KIAA1958: variants seen among roughly 807,000 people sequenced by gnomAD.
KIAA1958 encodes the protein uncharacterized protein KIAA1958.
Under a neutral mutation model 47.2 loss-of-function variants are expected in KIAA1958, and 14 were observed. The observed-to-expected ratio is 0.30, with a 90% CI of 0.20 to 0.46. The LOEUF is 0.46. KIAA1958 is among the 20% of genes least tolerant of loss of function. The pLI is 1.00. For synonymous variants in KIAA1958, 354 were observed against 353.3 expected (o/e 1.00, Z -0.02); for missense variants, 803 against 909.2 (o/e 0.88, Z 1.50).
intron 1 of KIAA1958, among the ~76,000 whole-genome samples, chr9:112,548,471 C>T (rs545953120): frequency 3.0e-4 from 46 of 152,324 alleles, no homozygotes; most frequent in African/African-American, 1.1e-3. Flanking sequence ...TCTCCTGGGG[C>T]TGTGTCATGT....
intron 1 of KIAA1958, 51 bp from the exon 2 acceptor site, chr9:112,574,005 AT>A (rs1185661424): frequency 1.1e-6 from 1 of 944,442 alleles, no homozygotes; most frequent in East Asian, 2.4e-5. Context: ...TAATTGAGCT[AT>A]AGGATTATCT....
chr9:112,547,664 C>G (rs1257556743), intron 1 of KIAA1958, among the ~76,000 whole-genome samples: 1 of 152,102 alleles, frequency 6.6e-6, no homozygotes, highest in Non-Finnish European at 1.5e-5. Context: ...GTATTTTACC[C>G]CAAAATATAT....
intron 3 of KIAA1958, among the ~76,000 whole-genome samples, chr9:112,651,528 G>A (rs894493000): frequency 3.3e-5 from 5 of 151,604 alleles, no homozygotes; most frequent in African/African-American, 1.2e-4. Context: ...CCAAGTAGCT[G>A]GGATTACAGG....
intron 2 of KIAA1958, among the ~76,000 whole-genome samples, chr9:112,625,909 C>A (rs984069923): frequency 6.6e-6 from 1 of 152,170 alleles, no homozygotes; most frequent in Non-Finnish European, 1.5e-5. Context: ...TCAAGAATAT[C>A]AATTCTAGTT....
chr9:112,536,534 A>G (rs1339910394), intron 1 of KIAA1958, among the ~76,000 whole-genome samples: 1 of 152,210 alleles, frequency 6.6e-6, no homozygotes, highest in African/African-American at 2.4e-5. Context: ...TAAATAGACC[A>G]ATAGTACAGA....
At chr9:112,572,194 G>A (rs746380511) in intron 1 of KIAA1958, among the ~76,000 whole-genome samples, 22 of 152,060 alleles carry the variant, frequency 1.4e-4, no homozygotes, top group Middle Eastern at 3.4e-3. Flanking sequence ...TACACTATCC[G>A]GGAGAAAACT....
At chr9:112,604,203 CAA>C (rs531493841) in intron 2 of KIAA1958, among the ~76,000 whole-genome samples, 55 of 152,220 alleles carry the variant, frequency 3.6e-4, no homozygotes, top group South Asian at 2.5e-3. Flanking sequence ...CATCTTCTAA[CAA>C]GAGAGGAAAT....
At chr9:112,559,210 A>T (rs942419576) in intron 1 of KIAA1958, among the ~76,000 whole-genome samples, 8 of 152,194 alleles carry the variant, frequency 5.3e-5, no homozygotes, top group African/African-American at 1.9e-4. Context: ...ATTTGAAGGG[A>T]TGGTAATGCC....
At chr9:112,556,450 G>A (rs1372799083) in intron 1 of KIAA1958, among the ~76,000 whole-genome samples, 4 of 152,134 alleles carry the variant, frequency 2.6e-5, no homozygotes, top group African/African-American at 9.7e-5. Context: ...CTCCACTTTT[G>A]TTGTAAATTG....
chr9:112,584,822 T>G (rs1688958497), intron 2 of KIAA1958, among the ~76,000 whole-genome samples: 1 of 152,316 alleles, frequency 6.6e-6, no homozygotes, highest in East Asian at 1.9e-4. Context: ...AGAGGGAACC[T>G]GGCCCCCTCC....
chr9:112,557,754 C>T (rs747352639), intron 1 of KIAA1958, among the ~76,000 whole-genome samples: 8 of 151,992 alleles, frequency 5.3e-5, no homozygotes, highest in Non-Finnish European at 8.8e-5. Flanking sequence ...ATGTAACTTA[C>T]GACATGAAAA....
At chr9:112,654,381 A>G (rs1378678370) in intron 3 of KIAA1958, among the ~76,000 whole-genome samples, 3 of 152,178 alleles carry the variant, frequency 2.0e-5, no homozygotes, top group African/African-American at 7.2e-5. Flanking sequence ...ATTAGGGCCA[A>G]TCAGAATCCT....
At chr9:112,629,430 T>C (rs544053691) in intron 2 of KIAA1958, among the ~76,000 whole-genome samples, 2 of 152,350 alleles carry the variant, frequency 1.3e-5, no homozygotes, top group Non-Finnish European at 1.5e-5. Context: ...TAAAAGCTGC[T>C]ACAGTTATAG....
At chr9:112,591,241 G>C (rs1835914038) in intron 2 of KIAA1958, among the ~76,000 whole-genome samples, 1 of 152,014 alleles carries the variant, frequency 6.6e-6, no homozygotes, top group African/African-American at 2.4e-5. Context: ...CCACCACCAC[G>C]CCCGGCTAAT....
intron 2 of KIAA1958, among the ~76,000 whole-genome samples, chr9:112,604,305 C>T (rs1223117891): frequency 6.6e-6 from 1 of 152,178 alleles, no homozygotes. Context: ...TGAGCCAGTG[C>T]TGAGGCTGTT....
At chr9:112,570,940 T>C (rs1835522700) in intron 1 of KIAA1958, among the ~76,000 whole-genome samples, 1 of 152,152 alleles carries the variant, frequency 6.6e-6, no homozygotes, top group Admixed American at 6.5e-5. Context: ...ACTGCTGGCG[T>C]AAGTCCCAGA....
At chr9:112,651,074 A>G (rs1242568949) in intron 3 of KIAA1958, among the ~76,000 whole-genome samples, 2 of 152,218 alleles carry the variant, frequency 1.3e-5, no homozygotes, top group Admixed American at 6.5e-5. Flanking sequence ...GCAAATCCAC[A>G]ATTGGAGATT....
chr9:112,575,758 CTAAAA>C (rs892103682), intron 2 of KIAA1958, among the ~76,000 whole-genome samples: 5 of 152,080 alleles, frequency 3.3e-5, no homozygotes, highest in African/African-American at 1.2e-4. Context: ...ATGTACATTT[CTAAAA>C]GAGGTATTTG....
At chr9:112,601,477 C>A (rs1196847624) in intron 2 of KIAA1958, among the ~76,000 whole-genome samples, 1 of 152,040 alleles carries the variant, frequency 6.6e-6, no homozygotes, top group Non-Finnish European at 1.5e-5. Context: ...GCTTAGTAGA[C>A]CACACTGATA....
Sources: gnomAD v4.1 joint callset for allele counts (sites outside exome capture counted in the v4.1 genomes callset) on GRCh38, gnomAD v4.1.1 for gene constraint, MANE v1.5 for transcripts, NCBI Gene and HGNC (gene_info 2026-07-23, HGNC 2026-07-21) for gene names.